Variants in LRMDA observed in about 807,000 individuals in gnomAD.
LRMDA encodes leucine rich melanocyte differentiation associated, also known as leucine-rich melanocyte differentiation-associated protein.
A neutral mutation model predicts 29.8 loss-of-function variants in LRMDA; 18 were observed. The ratio of observed to expected loss-of-function variants is 0.60; its 90% CI spans 0.42 to 0.90. The LOEUF (loss-of-function observed/expected upper bound fraction) is 0.90. Ranked by LOEUF, LRMDA falls within the 40% of genes least tolerant of loss-of-function variation. The pLI, the probability that LRMDA is intolerant of heterozygous loss-of-function variation, is 0.00. For synonymous variants in LRMDA, 125 were observed against 109.4 expected (o/e 1.14, Z -0.89); for missense variants, 273 against 273.9 (o/e 1.00, Z 0.02).
chr10:76,297,520 A>G (rs530031343), intron 5 of LRMDA, among the ~76,000 whole-genome samples: 94 of 152,358 alleles, frequency 6.2e-4, no homozygotes, highest in Non-Finnish European at 1.1e-3. Context: ...CCTTTGGGGT[A>G]GTAGAACAAG....
At chr10:75,702,775 G>C (rs1027919452) in intron 2 of LRMDA, among the ~76,000 whole-genome samples, 1 of 152,184 alleles carries the variant, frequency 6.6e-6, no homozygotes, top group African/African-American at 2.4e-5. Context: ...GCAGCCTTAG[G>C]CTTCTTAAGT....
In LRMDA at chr10:75,746,047, T is replaced by G. The variant is rs537964125; in HGVS notation, c.132-289961T>G. On this transcript the variant is annotated intron_variant, in intron 2 of 6. Transcript: ENST00000611255. The stretch of plus-strand genomic sequence containing the variant: ...TGGTTAAGGTATTTGTTTGGGAGGT[T>G]TCTGCACTGTGAAGTTACTGTGTTC... Among the ~76,000 whole-genome samples, 5 of 152,330 alleles carry G rather than the reference T, an allele frequency of 3.3e-5. No individual in the cohort carries two copies. In the South Asian group the frequency reaches 1.0e-3, roughly 32 times the overall value.
chr10:75,493,317 G>A (rs1215369009), intron 2 of LRMDA, among the ~76,000 whole-genome samples: 6 of 148,556 alleles, frequency 4.0e-5, no homozygotes, highest in East Asian at 2.0e-4. Flanking sequence ...TGGGATCTCC[G>A]TGAAGAGAGA....
intron 5 of LRMDA, among the ~76,000 whole-genome samples, chr10:76,142,036 C>G (rs1391162646): frequency 6.6e-6 from 1 of 151,970 alleles, no homozygotes; most frequent in African/African-American, 2.4e-5. Context: ...GGGAGAAGCC[C>G]TTATCTCAAC....
At chr10:75,595,070 C>A (rs1330062226) in intron 2 of LRMDA, among the ~76,000 whole-genome samples, 2 of 152,110 alleles carry the variant, frequency 1.3e-5, no homozygotes, top group Non-Finnish European at 2.9e-5. Flanking sequence ...TTGGCTTATG[C>A]TTTATCAATT....
chr10:76,122,973 C>T (rs1016904457), intron 5 of LRMDA, among the ~76,000 whole-genome samples: 8 of 152,196 alleles, frequency 5.3e-5, no homozygotes, highest in African/African-American at 1.9e-4. Context: ...TAGGATGATC[C>T]GAAGGATTCC....
chr10:76,239,867 G>A (rs746588748), intron 5 of LRMDA, among the ~76,000 whole-genome samples: 1 of 151,122 alleles, frequency 6.6e-6, no homozygotes, highest in Non-Finnish European at 1.5e-5. Context: ...TGAGGTGATG[G>A]GTGTGTTAAT....
At chr10:76,426,786 G>A (rs185045816) in intron 6 of LRMDA, among the ~76,000 whole-genome samples, 11 of 152,322 alleles carry the variant, frequency 7.2e-5, no homozygotes, top group Non-Finnish European at 1.2e-4. Flanking sequence ...TGCATAAGGT[G>A]TAAGGAAGGG....
chr10:76,047,077 C>T, intron 3 of LRMDA, 87 bp from the exon 4 acceptor site: 1 of 1,440,462 alleles, frequency 6.9e-7, no homozygotes, highest in Non-Finnish European at 9.7e-7. Context: ...CAGGAGCAGA[C>T]TGGACTCATC....
In LRMDA at chr10:76,436,235, A is replaced by G. The variant is rs550845433; in HGVS notation, c.601+111750A>G. 2.0e-5 allele frequency among the ~76,000 whole-genome samples: 3 copies of G among 152,336 alleles called. No homozygotes were observed. The East Asian group carries it at 5.8e-4, about 29-fold the overall frequency. On this transcript the variant is annotated intron_variant, in intron 6 of 6. Coordinates refer to ENST00000611255, the MANE Select transcript of LRMDA (RefSeq NM_001305581.2). ...CTGGCTCCCGCTTCCCACAGTGCTC[A>G]GGGACAAATGTGGAGTATATTAATA...
At chr10:75,845,105 GA>G (rs1481214154) in intron 2 of LRMDA, among the ~76,000 whole-genome samples, 1 of 151,522 alleles carries the variant, frequency 6.6e-6, no homozygotes, top group African/African-American at 2.4e-5. Flanking sequence ...GTGTAAATAT[GA>G]TTTTTTTTTG....
intron 2 of LRMDA, among the ~76,000 whole-genome samples, chr10:75,968,543 GC>G (rs1460429992): frequency 2.6e-5 from 4 of 152,166 alleles, no homozygotes; most frequent in African/African-American, 9.7e-5. Flanking sequence ...TGCCTCTGTA[GC>G]ATTAGGGGCT....
chr10:75,616,024 A>G (rs964025145), intron 2 of LRMDA, among the ~76,000 whole-genome samples: 2 of 152,208 alleles, frequency 1.3e-5, no homozygotes, highest in Non-Finnish European at 2.9e-5. Flanking sequence ...GAAATACCAG[A>G]GACTGTTTCT....
intron 2 of LRMDA, among the ~76,000 whole-genome samples, chr10:75,830,913 G>C (rs764855616): frequency 6.6e-6 from 1 of 152,204 alleles, no homozygotes. Context: ...AAAATCAAAA[G>C]CAAGTTAGTT....
chr10:75,465,254 G>A (rs1322499241), intron 2 of LRMDA, among the ~76,000 whole-genome samples: 3 of 152,180 alleles, frequency 2.0e-5, no homozygotes, highest in Non-Finnish European at 4.4e-5. Context: ...GTGGAGAGAG[G>A]CCCATTTTGC....
intron 5 of LRMDA, among the ~76,000 whole-genome samples, chr10:76,211,434 A>C (rs12249859): frequency 0.28 from 42,702 of 152,216 alleles, 6,988 homozygotes; most frequent in East Asian, 0.6. Flanking sequence ...GACTGGACAC[A>C]TAGGTGACTA....
intron 2 of LRMDA, among the ~76,000 whole-genome samples, chr10:75,666,303 T>C (rs1841821278): frequency 6.6e-6 from 1 of 152,174 alleles, no homozygotes; most frequent in Non-Finnish European, 1.5e-5. Context: ...CTCCTTGTAC[T>C]ATTGTTTTCT....
At chr10:76,386,111 T>C (rs1841656457) in intron 6 of LRMDA, among the ~76,000 whole-genome samples, 1 of 152,242 alleles carries the variant, frequency 6.6e-6, no homozygotes, top group African/African-American at 2.4e-5. Flanking sequence ...AATGATTTTA[T>C]CAACTTGACA....
chr10:76,003,082 G>A (rs1210105274), intron 2 of LRMDA, among the ~76,000 whole-genome samples: 1 of 152,140 alleles, frequency 6.6e-6, no homozygotes, highest in Non-Finnish European at 1.5e-5. Flanking sequence ...TGTGCAAATA[G>A]CCCTAGATTC....
Sources: allele counts gnomAD v4.1 joint callset (sites outside exome capture counted in the v4.1 genomes callset), GRCh38; gene constraint gnomAD v4.1.1; transcripts MANE v1.5; gene names NCBI Gene and HGNC (gene_info 2026-07-23, HGNC 2026-07-21).